Variants in MIPEP observed in about 807,000 individuals in gnomAD.
MIPEP encodes the protein mitochondrial intermediate peptidase.
Under a neutral mutation model 90.3 loss-of-function variants are expected in MIPEP, and 79 were observed. That is an observed-to-expected ratio of 0.87 (90% confidence interval 0.73 to 1.05). The LOEUF (loss-of-function observed/expected upper bound fraction) is 1.05, where lower values mean the gene tolerates loss of function less well. Ranked by LOEUF, MIPEP falls within the 50% of genes least tolerant of loss-of-function variation. The pLI, the probability that MIPEP is intolerant of heterozygous loss-of-function variation, is 0.00. For missense variants in MIPEP, 940 were observed against 905.6 expected, an observed-to-expected ratio of 1.04 and a Z score of -0.49; for synonymous variants, 334 against 315.8, an observed-to-expected ratio of 1.06 and a Z score of -0.61.
At chr13:23,791,041 T>C (rs923977717) in intron 16 of MIPEP, among the ~76,000 whole-genome samples, 1 of 152,150 alleles carries the variant, frequency 6.6e-6, no homozygotes, top group African/African-American at 2.4e-5. Flanking sequence ...TCTAGTACCC[T>C]ATCTCCAATC....
At chr13:23,764,154 T>C (rs1169689311) in intron 16 of MIPEP, among the ~76,000 whole-genome samples, 1 of 152,194 alleles carries the variant, frequency 6.6e-6, no homozygotes, top group Non-Finnish European at 1.5e-5. Flanking sequence ...CATGCAAACA[T>C]CTTTGTAGTT....
chr13:23,869,404 A>G lies in MIPEP; in HGVS notation c.831T>C (p.Gly277=). The part of the protein sequence containing the change: ...AYKIFLYPNA[G]QLKCLEELLS... ...GCAATTCTTCTAAACATTTCAATTG[A>G]CCAGCATTGGGATAAAGAAAAATTT... Residue 277 remains glycine (G), a synonymous_variant, in exon 7 of 19, where the codon GGT becomes GGC. Transcript: ENST00000382172. 1 of 1,611,880 alleles carries G rather than the reference A, an allele frequency of 6.2e-7. No homozygotes were observed. Among genetic ancestry groups the G allele is most frequent in the Non-Finnish European group, 8.5e-7 (1 of 1,179,566 alleles).
chr13:23,760,213 C>A lies in MIPEP; in HGVS notation c.1853G>T (p.Trp618Leu), dbSNP rs1318011686. 10 of 1,613,886 alleles carry A rather than the reference C, an allele frequency of 6.2e-6. No homozygotes were observed. Among genetic ancestry groups the A allele is most frequent in the Non-Finnish European group, 8.5e-7 (1 of 1,179,986 alleles). Residue 618 changes from tryptophan to leucine, a missense_variant, in exon 17 of 19, where the codon TGG becomes TTG. Transcript: ENST00000382172. ...CACGAGGTGGCTGAATCGCAGCTGC[C>A]AGGCCTGCCAAGAACAGAGAGACAC... ...YGLPYVPNTA[W>L]QLRFSHLVGY...
intron 14 of MIPEP, among the ~76,000 whole-genome samples, chr13:23,817,590 G>C (rs551036617): frequency 6.6e-6 from 1 of 152,062 alleles, no homozygotes; most frequent in South Asian, 2.1e-4. Flanking sequence ...AATTTTTCCT[G>C]TAACAAGAAC....
chr13:23,821,154 T>C (rs535463920), intron 14 of MIPEP, among the ~76,000 whole-genome samples: 3 of 152,352 alleles, frequency 2.0e-5, no homozygotes, highest in African/African-American at 7.2e-5. Context: ...GTAAATCTAG[T>C]TATACCCTCA....
intron 18 of MIPEP, among the ~76,000 whole-genome samples, chr13:23,748,317 T>C (rs1292539181): frequency 6.9e-6 from 1 of 145,228 alleles, no homozygotes. Flanking sequence ...GGCTGAGCCC[T>C]GTAACAGGGG....
chr13:23,837,208 C>T (rs921818687), intron 13 of MIPEP, among the ~76,000 whole-genome samples: 7 of 152,210 alleles, frequency 4.6e-5, no homozygotes, highest in African/African-American at 1.7e-4. Flanking sequence ...CATTCATTCA[C>T]TTACTTATTA....
chr13:23,836,281 G>T lies in MIPEP; in HGVS notation c.1612C>A (p.Arg538=), dbSNP rs574009951. The T allele has an allele frequency of 2.6e-5, 41 of 1,604,980 alleles. No individual in the cohort carries two copies. Among genetic ancestry groups the T allele is most frequent in the Admixed American group, 1.9e-4 (11 of 58,722 alleles). The change falls in exon 14 of 19, where the codon CGA becomes AGA. Residue 538 remains arginine (R), a synonymous_variant. Coordinates refer to ENST00000382172, the MANE Select transcript of MIPEP (RefSeq NM_005932.4). ...ILMEYFANDY[R]VVNQFARHYQ... ...TGTCTGGCAAATTGGTTAACTACTC[G>T]ATAATCATTTGCAAAGTACTCCATC...
chr13:23,839,689 A>G lies in MIPEP; in HGVS notation c.1298T>C (p.Ile433Thr). ...TGCTCGCTGAAAAAAATCACAGTAA[A>G]TGTACCCCAACAATCCTTCAGATTC... ...VHESEGLLGY[I>T]YCDFFQRADK... Residue 433 changes from isoleucine to threonine, a missense_variant, in exon 12 of 19, where the codon ATT (isoleucine) becomes ACT (threonine). Transcript: ENST00000382172. The G allele has an allele frequency of 1.2e-6, 2 of 1,613,264 alleles. No individual in the cohort carries two copies. Among genetic ancestry groups the G allele is most frequent in the Non-Finnish European group, 1.7e-6 (2 of 1,179,770 alleles).
chr13:23,775,339 AG>A (rs144514479), intron 16 of MIPEP, among the ~76,000 whole-genome samples: 2,618 of 152,296 alleles, frequency 0.017, 76 homozygotes, highest in African/African-American at 0.06. Flanking sequence ...CCCATCTCAG[AG>A]GAAAGCTTTC....
intron 18 of MIPEP, among the ~76,000 whole-genome samples, chr13:23,753,577 G>A (rs546298038): frequency 2.0e-5 from 3 of 152,222 alleles, no homozygotes; most frequent in Non-Finnish European, 4.4e-5. Flanking sequence ...GCAGCCAAGA[G>A]TTAGAGAGCA....
At chr13:23,746,555 A>G (rs1004707227) in intron 18 of MIPEP, among the ~76,000 whole-genome samples, 4 of 149,866 alleles carry the variant, frequency 2.7e-5, no homozygotes. Context: ...AATCACTTGA[A>G]CCAAGGAGGC....
At chr13:23,743,099 C>T (rs548997402) in intron 18 of MIPEP, among the ~76,000 whole-genome samples, 1 of 152,186 alleles carries the variant, frequency 6.6e-6, no homozygotes, top group Non-Finnish European at 1.5e-5. Flanking sequence ...TACCAAAAAG[C>T]AGATTATCTA....
At chr13:23,775,992 G>C (rs1952711427) in intron 16 of MIPEP, among the ~76,000 whole-genome samples, 1 of 152,066 alleles carries the variant, frequency 6.6e-6, no homozygotes, top group Non-Finnish European at 1.5e-5. Flanking sequence ...TTAAAAAACA[G>C]ATGTTTTTAA....
chr13:23,778,139 T>C (rs1026385220), intron 16 of MIPEP, among the ~76,000 whole-genome samples: 1 of 152,178 alleles, frequency 6.6e-6, no homozygotes, highest in African/African-American at 2.4e-5. Flanking sequence ...CTTTTGAGTG[T>C]CTGAGTTTTT....
At chr13:23,859,056 G>T in intron 9 of MIPEP, 144 bp from the exon 10 acceptor site, 1 of 709,750 alleles carries the variant, frequency 1.4e-6, no homozygotes, top group Non-Finnish European at 2.4e-6. Context: ...AAAATTGATA[G>T]CTTGGCAGAA....
At chr13:23,872,706 C>T (rs1378762095) in intron 5 of MIPEP, among the ~76,000 whole-genome samples, 1 of 151,982 alleles carries the variant, frequency 6.6e-6, no homozygotes, top group Non-Finnish European at 1.5e-5. Flanking sequence ...GAGCTGCTCC[C>T]GGGGAAAGAG....
chr13:23,851,735 C>G (rs1050406976), intron 10 of MIPEP, among the ~76,000 whole-genome samples: 1 of 151,362 alleles, frequency 6.6e-6, no homozygotes, highest in Non-Finnish European at 1.5e-5. Flanking sequence ...CACTCTGTTG[C>G]CCACGCTGGA....
At chr13:23,801,523 T>C (rs1953040973) in intron 16 of MIPEP, among the ~76,000 whole-genome samples, 1 of 152,216 alleles carries the variant, frequency 6.6e-6, no homozygotes, top group African/African-American at 2.4e-5. Context: ...TCATCAACCA[T>C]GTACCCACCA....
Sources: allele counts gnomAD v4.1 joint callset (sites outside exome capture counted in the v4.1 genomes callset), GRCh38; gene constraint gnomAD v4.1.1; transcripts MANE v1.5; gene names NCBI Gene and HGNC (gene_info 2026-07-23, HGNC 2026-07-21).